STXBP6: variants seen among roughly 807,000 people sequenced by gnomAD.
STXBP6 encodes the protein syntaxin-binding protein 6.
A neutral mutation model predicts 26.9 loss-of-function variants in STXBP6; 21 were observed. The observed-to-expected ratio is 0.78, with a 90% CI of 0.55 to 1.12. The LOEUF is 1.12. Ranked by LOEUF, STXBP6 falls within the 50% of genes most tolerant of loss-of-function variation. The pLI is 0.00. For synonymous variants in STXBP6, 97 were observed against 92.6 expected (o/e 1.05, Z -0.27); for missense variants, 232 against 257.9 (o/e 0.90, Z 0.69).
chr14:24,929,409 A>G (rs2072298994), intron 2 of STXBP6, among the ~76,000 whole-genome samples: 1 of 152,240 alleles, frequency 6.6e-6, no homozygotes, highest in East Asian at 1.9e-4. Context: ...ATGTCTCCAT[A>G]TACTTATGGC....
At chr14:25,045,591 T>A (rs1004317272) in intron 1 of STXBP6, among the ~76,000 whole-genome samples, 3 of 104,100 alleles carry the variant, frequency 2.9e-5, no homozygotes, top group African/African-American at 9.1e-5. Context: ...GCGTTCATAC[T>A]TTTTTTTTCT....
At chr14:25,009,599 C>T (rs1283328566) in intron 1 of STXBP6, among the ~76,000 whole-genome samples, 1 of 152,162 alleles carries the variant, frequency 6.6e-6, no homozygotes, top group East Asian at 1.9e-4. Context: ...GCCATCGCCA[C>T]AACGTCACCT....
chr14:24,874,089 T>A (rs1207883248), intron 2 of STXBP6, among the ~76,000 whole-genome samples: 1 of 152,120 alleles, frequency 6.6e-6, no homozygotes, highest in Non-Finnish European at 1.5e-5. Context: ...ACTTCCAAAT[T>A]TTAAGTAACG....
rs1196134449 is a variant in STXBP6 at position 24,866,013 on chromosome 14, G to A, written c.155-8856C>T. On this transcript the variant is annotated intron_variant, in intron 2 of 5. Transcript: ENST00000323944. ...TTGTAATGGATATATCAACTTGACTGGCCTGCAGTGCCCAGGTATGTAGTC... is the reference window on the plus strand; with the variant it reads ...TTGTAATGGATATATCAACTTGACTAGCCTGCAGTGCCCAGGTATGTAGTC... 3.3e-5 allele frequency among the ~76,000 whole-genome samples: 5 copies of A among 152,224 alleles called. No homozygotes were observed. The East Asian group carries it at 9.6e-4, about 29-fold the overall frequency.
intron 4 of STXBP6, among the ~76,000 whole-genome samples, chr14:24,830,466 G>T (rs1444536011): frequency 6.6e-6 from 1 of 152,046 alleles, no homozygotes; most frequent in Non-Finnish European, 1.5e-5. Context: ...GGAAAAGGAA[G>T]AATACTGAGT....
intron 2 of STXBP6, among the ~76,000 whole-genome samples, chr14:24,891,247 C>T (rs548909273): frequency 6.6e-6 from 1 of 152,074 alleles, no homozygotes; most frequent in African/African-American, 2.4e-5. Context: ...GACTTATGAA[C>T]GTTTCCTTTT....
At chr14:25,013,728 T>A (rs1355907920) in intron 1 of STXBP6, among the ~76,000 whole-genome samples, 5 of 139,564 alleles carry the variant, frequency 3.6e-5, no homozygotes, top group African/African-American at 8.2e-5. Context: ...GAATAAATGA[T>A]CCCATTTGAC....
At chr14:24,936,766 C>A (rs2072615902) in intron 2 of STXBP6, among the ~76,000 whole-genome samples, 1 of 152,022 alleles carries the variant, frequency 6.6e-6, no homozygotes, top group African/African-American at 2.4e-5. Flanking sequence ...TTCTAACTGG[C>A]GTGAGAGCAA....
chr14:24,908,974 C>T (rs1163327375), intron 2 of STXBP6, among the ~76,000 whole-genome samples: 4 of 152,168 alleles, frequency 2.6e-5, no homozygotes, highest in Non-Finnish European at 5.9e-5. Flanking sequence ...GAAAAATGCA[C>T]TGAAAATAGA....
intron 3 of STXBP6, among the ~76,000 whole-genome samples, chr14:24,856,743 G>A (rs538401496): frequency 6.6e-6 from 1 of 151,258 alleles, no homozygotes; most frequent in Non-Finnish European, 1.5e-5. Context: ...GATAACCATC[G>A]ATATGATTAT....
chr14:24,837,247 T>C lies in STXBP6; in HGVS notation c.452-18053A>G, dbSNP rs139007810. On this transcript the variant is annotated intron_variant, in intron 4 of 5. Transcript: ENST00000323944. ...ATAGGAAAATTTGTATTTTTAAAGATGAAAAGTGGTGTAAGAACTATGCAA... is the reference window on the plus strand; with the variant it reads ...ATAGGAAAATTTGTATTTTTAAAGACGAAAAGTGGTGTAAGAACTATGCAA... Among the ~76,000 whole-genome samples, 475 of 152,274 alleles carry C rather than the reference T, an allele frequency of 3.1e-3. 16 individuals carry two copies. Among genetic ancestry groups the C allele is most frequent in the Admixed American group, 0.028 (436 of 15,302 alleles).
At chr14:24,884,945 T>C (rs2139465304) in intron 2 of STXBP6, among the ~76,000 whole-genome samples, 1 of 152,292 alleles carries the variant, frequency 6.6e-6, no homozygotes, top group East Asian at 1.9e-4. Flanking sequence ...TAAGGAAGCA[T>C]ACATTCCACA....
chr14:24,944,878 T>A lies in STXBP6; in HGVS notation c.154+29787A>T, dbSNP rs143821948. Among the ~76,000 whole-genome samples the A allele has an allele frequency of 8.5e-4, 130 of 152,114 alleles. 5 individuals carry two copies. The East Asian group carries it at 0.021, about 25-fold the overall frequency. On this transcript the variant is annotated intron_variant, in intron 2 of 5. Coordinates refer to ENST00000323944, the MANE Select transcript of STXBP6 (RefSeq NM_001394410.1). ...GAGTGTGAAAAGAGTGTGAAAAGAT[T>A]CAGGGCCTGAATCTTAGCCCTGACT...
At chr14:24,889,872 C>A (rs1245003543) in intron 2 of STXBP6, among the ~76,000 whole-genome samples, 1 of 152,214 alleles carries the variant, frequency 6.6e-6, no homozygotes, top group African/African-American at 2.4e-5. Context: ...ATCTCTAAGA[C>A]AGCTAAAGAA....
At chr14:25,039,490 A>G (rs915267114) in intron 1 of STXBP6, among the ~76,000 whole-genome samples, 3 of 152,170 alleles carry the variant, frequency 2.0e-5, no homozygotes, top group Non-Finnish European at 4.4e-5. Flanking sequence ...TTCTTGGTGC[A>G]TATCTCTCTG....
intron 1 of STXBP6, among the ~76,000 whole-genome samples, chr14:24,984,701 T>A (rs1368145396): frequency 6.6e-6 from 1 of 152,194 alleles, no homozygotes; most frequent in Non-Finnish European, 1.5e-5. Flanking sequence ...GTCAGCTACC[T>A]CAAATTCTGA....
chr14:24,960,211 A>G (rs1338180883), intron 2 of STXBP6, among the ~76,000 whole-genome samples: 1 of 152,196 alleles, frequency 6.6e-6, no homozygotes, highest in Non-Finnish European at 1.5e-5. Context: ...ACTGAGTCCA[A>G]AGGGCAGTTA....
rs551110860 is a variant in STXBP6, at chr14:24,932,267, C to T, written c.154+42398G>A. ...ACTAAAAATACAAAAACTAGCTGGG[C>T]GTGGTAGCGGGTGCCTGTAGTCCCA... On this transcript the variant is annotated intron_variant, in intron 2 of 5. Coordinates refer to ENST00000323944, the MANE Select transcript of STXBP6 (RefSeq NM_001394410.1). Among the ~76,000 whole-genome samples the T allele has an allele frequency of 5.5e-4, 83 of 152,236 alleles. 1 individual carries two copies. The highest frequency in any genetic ancestry group is 1.6e-3 in the African/African-American group (68 of 41,548).
At chr14:24,899,470 A>G (rs1566457455) in intron 2 of STXBP6, among the ~76,000 whole-genome samples, 1 of 152,148 alleles carries the variant, frequency 6.6e-6, no homozygotes, top group Non-Finnish European at 1.5e-5. Context: ...ACCATTTTAC[A>G]TAGGGCACCA....
Sources: gnomAD v4.1 joint callset for allele counts (sites outside exome capture counted in the v4.1 genomes callset) on GRCh38, gnomAD v4.1.1 for gene constraint, MANE v1.5 for transcripts, NCBI Gene and HGNC (gene_info 2026-07-23, HGNC 2026-07-21) for gene names.